Variants in ANKS1B observed in about 807,000 individuals in gnomAD.
ANKS1B encodes the protein ankyrin repeat and sterile alpha motif domain containing 1B, also known as ankyrin repeat and sterile alpha motif domain-containing protein 1B.
Under a neutral mutation model 148.3 loss-of-function variants are expected in ANKS1B, and 36 were observed. The ratio of observed to expected loss-of-function variants is 0.24; its 90% CI spans 0.19 to 0.32. ANKS1B has a LOEUF of 0.32. Among genes scored for constraint, ANKS1B ranks in the 10% least tolerant of loss-of-function variants. The probability of loss-of-function intolerance (pLI) is 1.00; values close to 1 mark genes in which losing one functional copy is unlikely to be tolerated. For synonymous variants in ANKS1B, 542 were observed against 560.8 expected (o/e 0.97, Z 0.47); for missense variants, 1,157 against 1,542.6 (o/e 0.75, Z 4.19).
intron 14 of ANKS1B, among the ~76,000 whole-genome samples, chr12:99,204,218 A>G (rs2082377883): frequency 6.6e-6 from 1 of 152,260 alleles, no homozygotes; most frequent in Admixed American, 6.5e-5. Flanking sequence ...GTTTAGCAGC[A>G]TCAACCTTTC....
At chr12:99,693,035 T>C (rs868600473) in intron 8 of ANKS1B, among the ~76,000 whole-genome samples, 14 of 152,286 alleles carry the variant, frequency 9.2e-5, no homozygotes, top group Non-Finnish European at 1.8e-4. Context: ...TTTCTGTGCC[T>C]AATCCCTGGA....
intron 14 of ANKS1B, among the ~76,000 whole-genome samples, chr12:99,198,841 C>T (rs879867654): frequency 1.3e-5 from 2 of 152,178 alleles, no homozygotes; most frequent in Admixed American, 6.6e-5. Context: ...CTGAATAGGT[C>T]TAACCTGTGT....
chr12:99,507,452 T>C (rs1445564457), intron 9 of ANKS1B, among the ~76,000 whole-genome samples: 2 of 151,814 alleles, frequency 1.3e-5, no homozygotes, highest in Non-Finnish European at 2.9e-5. Context: ...AAGAGGAAAA[T>C]AATCACATGA....
At chr12:99,239,213 A>G (rs1416508266) in intron 14 of ANKS1B, among the ~76,000 whole-genome samples, 1 of 152,222 alleles carries the variant, frequency 6.6e-6, no homozygotes, top group Admixed American at 6.5e-5. Context: ...CGGTGTAAAG[A>G]AGACTTTAAA....
chr12:99,659,403 TA>T (rs11307067), intron 8 of ANKS1B, among the ~76,000 whole-genome samples: 92,969 of 151,462 alleles, frequency 0.61, 29,857 homozygotes, highest in East Asian at 0.98. Context: ...AATTCTACTA[TA>T]AAAAAAAATA....
At chr12:98,925,187 C>A (rs2152929834) in intron 17 of ANKS1B, among the ~76,000 whole-genome samples, 1 of 152,270 alleles carries the variant, frequency 6.6e-6, no homozygotes, top group Middle Eastern at 3.4e-3. Flanking sequence ...GTTCTGTGTT[C>A]ATTGCTTACC....
chr12:99,433,397 T>A (rs577073314), intron 11 of ANKS1B, among the ~76,000 whole-genome samples: 158 of 152,258 alleles, frequency 1.0e-3, no homozygotes, highest in African/African-American at 3.6e-3. Flanking sequence ...CATGTACAAA[T>A]AAAAGCAGAA....
intron 25 of ANKS1B, among the ~76,000 whole-genome samples, chr12:98,755,506 T>C (rs1348446581): frequency 6.6e-6 from 1 of 152,202 alleles, no homozygotes; most frequent in African/African-American, 2.4e-5. Context: ...CTTGCTTGCT[T>C]GCTGAATGAA....
intron 12 of ANKS1B, among the ~76,000 whole-genome samples, chr12:99,285,047 C>A (rs1466031063): frequency 6.6e-6 from 1 of 152,164 alleles, no homozygotes; most frequent in Admixed American, 6.6e-5. Flanking sequence ...AATATAACCA[C>A]AATCAACAAA....
chr12:99,397,214 T>C (rs762102753), intron 12 of ANKS1B, among the ~76,000 whole-genome samples: 1 of 152,180 alleles, frequency 6.6e-6, no homozygotes, highest in East Asian at 1.9e-4. Flanking sequence ...GAGCACTAAC[T>C]ATCTGCCAGG....
At chr12:99,222,027 C>A (rs1169129059) in intron 14 of ANKS1B, among the ~76,000 whole-genome samples, 6 of 151,808 alleles carry the variant, frequency 4.0e-5, no homozygotes, top group African/African-American at 1.2e-4. Flanking sequence ...AGAAAGTGCT[C>A]TATGTTCTAC....
intron 9 of ANKS1B, among the ~76,000 whole-genome samples, chr12:99,553,424 T>G (rs1465682197): frequency 3.3e-5 from 5 of 152,210 alleles, no homozygotes; most frequent in Non-Finnish European, 7.3e-5. Flanking sequence ...TTATTAATAC[T>G]GTTGCTATGG....
chr12:98,834,999 T>C (rs1428349559), intron 17 of ANKS1B, among the ~76,000 whole-genome samples: 1 of 152,128 alleles, frequency 6.6e-6, no homozygotes, highest in Non-Finnish European at 1.5e-5. Flanking sequence ...CTTCACCGCC[T>C]TTCTCCCAGC....
At chr12:99,970,632 C>T (rs1384095633) in intron 1 of ANKS1B, among the ~76,000 whole-genome samples, 2 of 152,098 alleles carry the variant, frequency 1.3e-5, no homozygotes, top group African/African-American at 4.8e-5. Flanking sequence ...AGCTCTTGTC[C>T]ATGCTCCATA....
At chr12:99,683,529 C>T (rs1328540733) in intron 8 of ANKS1B, among the ~76,000 whole-genome samples, 11 of 152,034 alleles carry the variant, frequency 7.2e-5, no homozygotes, top group African/African-American at 1.7e-4. Context: ...AGGAATTCAC[C>T]GCTGAATTCT....
At chr12:99,663,631 A>T (rs2098489213) in intron 8 of ANKS1B, among the ~76,000 whole-genome samples, 1 of 152,044 alleles carries the variant, frequency 6.6e-6, no homozygotes, top group Admixed American at 6.5e-5. Context: ...GATGCCAATG[A>T]GTACACTGAG....
chr12:99,428,511 A>G (rs1019369394), intron 11 of ANKS1B, among the ~76,000 whole-genome samples: 8 of 152,144 alleles, frequency 5.3e-5, no homozygotes, highest in Non-Finnish European at 1.2e-4. Context: ...CAAATATAAA[A>G]ATGAATTATG....
chr12:99,422,629 C>T (rs979391453), intron 11 of ANKS1B, among the ~76,000 whole-genome samples: 3 of 152,040 alleles, frequency 2.0e-5, no homozygotes, highest in Non-Finnish European at 2.9e-5. Flanking sequence ...ACAGACAGCA[C>T]ATGTAAGGAA....
chr12:98,926,919 C>T (rs931097607), intron 17 of ANKS1B, among the ~76,000 whole-genome samples: 1 of 151,814 alleles, frequency 6.6e-6, no homozygotes, highest in African/African-American at 2.4e-5. Context: ...GAGTCCCAGA[C>T]AGATAAGAGA....
Sources: gnomAD v4.1 joint callset for allele counts (sites outside exome capture counted in the v4.1 genomes callset) on GRCh38, gnomAD v4.1.1 for gene constraint, MANE v1.5 for transcripts, NCBI Gene and HGNC (gene_info 2026-07-23, HGNC 2026-07-21) for gene names.